The following DMD variants were observed in gnomAD, a reference collection of about 807,000 sequenced individuals.
DMD encodes dystrophin.
Under a neutral mutation model 330.1 loss-of-function variants are expected in DMD, and 63 were observed. That is an observed-to-expected ratio of 0.19 (90% CI 0.16 to 0.24). DMD has a LOEUF of 0.24. Among genes scored for constraint, DMD ranks in the 10% least tolerant of loss-of-function variants. DMD has a pLI of 1.00. For missense variants in DMD, 3,344 were observed against 2,684.1 expected (o/e 1.25, Z -5.43); for synonymous variants, 1,223 against 959.8 (o/e 1.27, Z -5.07).
At chrX:32,523,387 G>A (rs57356712) in intron 17 of DMD, among the ~76,000 whole-genome samples, 3,593 of 111,630 alleles carry the variant, frequency 0.032, 92 homozygotes, top group Admixed American at 0.075. Flanking sequence ...AACCATAAAA[G>A]CCAGAATTAT....
chrX:32,738,385 C>G (rs747007557), intron 7 of DMD, among the ~76,000 whole-genome samples: 40 of 111,693 alleles, frequency 3.6e-4, no homozygotes, highest in African/African-American at 1.3e-3. Context: ...ATCTCTACTT[C>G]CTATTAGTTA....
chrX:31,375,299 A>G (rs903669216), intron 60 of DMD, among the ~76,000 whole-genome samples: 11 of 111,918 alleles, frequency 9.8e-5, no homozygotes, highest in Admixed American at 4.7e-4. Flanking sequence ...TTGCAACTGC[A>G]TGGTGAACCA....
chrX:33,309,674 C>A (rs990669004), intron 1 of DMD, among the ~76,000 whole-genome samples: 4 of 110,372 alleles, frequency 3.6e-5, no homozygotes, highest in East Asian at 2.8e-4. Flanking sequence ...AAGATGCAAC[C>A]ATTTGCATAA....
intron 60 of DMD, among the ~76,000 whole-genome samples, chrX:31,350,646 A>T (rs938993411): frequency 1.4e-4 from 15 of 105,448 alleles, no homozygotes; most frequent in African/African-American, 5.1e-4. Context: ...AGAGAGAGAG[A>T]GAGAGAGAGA....
Position 32,141,360 on chromosome X carries a change from C to G in DMD, c.6438+75556G>C, listed in dbSNP as rs189899109. On this transcript the variant is annotated intron_variant, in intron 44 of 78. Coordinates refer to ENST00000357033, the MANE Select transcript of DMD (RefSeq NM_004006.3). ...CCGAGGCACAAGAATCACTTGAACC[C>G]GGGAGGTGGAGGTTGCAGTGAGCCG... 2.2e-3 allele frequency among the ~76,000 whole-genome samples: 241 copies of G among 110,559 alleles called. 1 individual carries two copies. Among genetic ancestry groups the G allele is most frequent in the African/African-American group, 7.6e-3 (230 of 30,421 alleles).
intron 7 of DMD, chrX:32,756,181 C>T (rs1018744055): frequency 1.3e-4 from 14 of 111,858 alleles, no homozygotes; most frequent in African/African-American, 4.5e-4. Flanking sequence ...CTCACCATTC[C>T]GGCTCAACAA....
intron 2 of DMD, among the ~76,000 whole-genome samples, chrX:32,913,330 G>T (rs772585873): frequency 8.9e-6 from 1 of 112,301 alleles, no homozygotes; most frequent in South Asian, 3.7e-4. Context: ...ATTGCTTTAA[G>T]AACTATTTAT....
chrX:31,130,911 A>T (rs1277574621), intron 77 of DMD, among the ~76,000 whole-genome samples: 1 of 111,955 alleles, frequency 8.9e-6, no homozygotes, highest in Non-Finnish European at 1.9e-5. Context: ...TTTTTTAAAA[A>T]CGGCTTTTCC....
At chrX:32,622,815 C>T (rs982054518) in intron 11 of DMD, among the ~76,000 whole-genome samples, 3 of 111,619 alleles carry the variant, frequency 2.7e-5, no homozygotes, top group Admixed American at 9.5e-5. Flanking sequence ...GGATACAGCC[C>T]ACCTGGTGAT....
intron 44 of DMD, among the ~76,000 whole-genome samples, chrX:31,981,734 A>G (rs1180951626): frequency 9.0e-6 from 1 of 111,605 alleles, no homozygotes; most frequent in African/African-American, 3.3e-5. Flanking sequence ...TGGAAAAGGC[A>G]TAACCGTATA....
chrX:31,398,756 G>A (rs2061056566), intron 60 of DMD, among the ~76,000 whole-genome samples: 1 of 112,269 alleles, frequency 8.9e-6, no homozygotes, highest in Non-Finnish European at 1.9e-5. Context: ...GGGTTCAAGA[G>A]ATCCTCCCAC....
At chrX:31,483,639 T>G (rs1378588405) in intron 57 of DMD, among the ~76,000 whole-genome samples, 5 of 111,871 alleles carry the variant, frequency 4.5e-5, no homozygotes, top group Admixed American at 2.9e-4. Flanking sequence ...TAAGCACCAT[T>G]ATTTTCACAT....
intron 62 of DMD, among the ~76,000 whole-genome samples, chrX:31,281,304 A>T (rs1342062330): frequency 9.0e-6 from 1 of 111,675 alleles, no homozygotes; most frequent in African/African-American, 3.3e-5. Context: ...TCAAAAGAGA[A>T]CTTGAAAAAT....
At chrX:31,213,070 T>C (rs182002195) in intron 64 of DMD, among the ~76,000 whole-genome samples, 1 of 112,813 alleles carries the variant, frequency 8.9e-6, no homozygotes, top group East Asian at 2.8e-4. Flanking sequence ...CTGATTTTTC[T>C]TGCCCAGGCA....
rs2058381022 is a variant in DMD, at chrX:32,626,920, A to T, written c.1332-12467T>A. ...AAGTCCGGCTTTTATTCAAACTATC[A>T]CAGATAGGTGAATTAGTGGAATTTA... On this transcript the variant is annotated intron_variant, in intron 11 of 78. Transcript: ENST00000357033. 1.9e-5 allele frequency among the ~76,000 whole-genome samples: 2 copies of T among 105,844 alleles called. 1 individual carries two copies. Among genetic ancestry groups the T allele is most frequent in the African/African-American group, 8.0e-5 (2 of 24,977 alleles). 91.9% of individuals were successfully genotyped at this position (105,844 alleles called of 115,157 possible).
chrX:31,188,818 T>C (rs2042048741), intron 67 of DMD, among the ~76,000 whole-genome samples: 1 of 112,154 alleles, frequency 8.9e-6, no homozygotes, highest in Non-Finnish European at 1.9e-5. Context: ...TCATTACTAT[T>C]GCTCTGTTAC....
At chrX:31,348,448 G>T (rs2058219606) in intron 61 of DMD, 108 bp downstream of exon 61, 1 of 726,204 alleles carries the variant, frequency 1.4e-6, no homozygotes, top group South Asian at 2.3e-5. Flanking sequence ...TACTGCATCT[G>T]ATAAAAGATT....
At chrX:31,125,458 A>G (rs1310690137) in intron 78 of DMD, among the ~76,000 whole-genome samples, 2 of 111,890 alleles carry the variant, frequency 1.8e-5, no homozygotes, top group Non-Finnish European at 3.8e-5. Flanking sequence ...GTTTAAATGA[A>G]TCAGTGGTCT....
At chrX:32,517,748 GTTAAT>G (rs1163579030) in intron 18 of DMD, 2 of 419,434 alleles carry the variant, frequency 4.8e-6, no homozygotes, top group Non-Finnish European at 8.3e-6. Flanking sequence ...TCATAAAATT[GTTAAT>G]TTATAGTTAA....
Sources: allele counts gnomAD v4.1 joint callset (sites outside exome capture counted in the v4.1 genomes callset), GRCh38; gene constraint gnomAD v4.1.1; transcripts MANE v1.5; gene names NCBI Gene and HGNC (gene_info 2026-07-23, HGNC 2026-07-21).